AFF4: variants seen among roughly 807,000 people sequenced by gnomAD.
AFF4 encodes ALF transcription elongation factor 4.
Under a neutral mutation model 124.8 loss-of-function variants are expected in AFF4, and 13 were observed. That is an observed-to-expected ratio of 0.10 (90% CI 0.07 to 0.17). The LOEUF is 0.17. Among genes scored for constraint, AFF4 ranks in the 10% least tolerant of loss-of-function variants. AFF4 has a pLI of 1.00. For missense variants in AFF4, 1,092 were observed against 1,403.8 expected, an observed-to-expected ratio of 0.78 and a Z score of 3.55; for synonymous variants, 477 against 496.1, an observed-to-expected ratio of 0.96 and a Z score of 0.51.
intron 5 of AFF4, among the ~76,000 whole-genome samples, chr5:132,908,284 TATGA>T (rs1286819725): frequency 6.6e-6 from 1 of 152,192 alleles, no homozygotes; most frequent in East Asian, 1.9e-4. Flanking sequence ...TAAATATATT[TATGA>T]ATGACAACAA....
Position 132,892,362 on chromosome 5 carries a change from A to G in AFF4, c.2439T>C (p.Pro813=). The change falls in exon 13 of 21, where the codon CCT becomes CCC. Residue 813 remains proline (P), a synonymous_variant. Coordinates refer to ENST00000265343, the MANE Select transcript of AFF4 (RefSeq NM_014423.4). ...TTGAAGGAACAGGCCCAGCGGGAGA[A>G]GGCAACAAATCCTTTTCTTTTGCAG... The part of the protein sequence containing the change: ...QSAAKEKDLL[P]SPAGPVPSKD... 1.9e-6 allele frequency: 3 copies of G among 1,613,962 alleles called. No homozygotes were observed. The highest frequency in any genetic ancestry group is 2.5e-6 in the Non-Finnish European group (3 of 1,179,860).
chr5:132,903,451 C>T (rs1426992997), intron 6 of AFF4, among the ~76,000 whole-genome samples: 1 of 152,134 alleles, frequency 6.6e-6, no homozygotes, highest in Non-Finnish European at 1.5e-5. Context: ...AGTTACTGCT[C>T]TTGGCAAAAA....
chr5:132,931,899 G>T (rs559744724), intron 4 of AFF4, among the ~76,000 whole-genome samples: 1 of 151,874 alleles, frequency 6.6e-6, no homozygotes, highest in African/African-American at 2.4e-5. Flanking sequence ...AGCCAAGATC[G>T]CGCCACTGCA....
Position 132,876,298 on chromosome 5 carries a change from A to C in AFF4, c.*4761T>G. 1 of 228,788 alleles carries C rather than the reference A, an allele frequency of 4.4e-6. No individual in the cohort carries two copies. The highest frequency in any genetic ancestry group is 6.3e-5 in the East Asian group (1 of 15,908). The allele number at this position is 228,788 out of a possible 1,614,324, so 14.2% of individuals were successfully genotyped here. The stretch of plus-strand genomic sequence containing the variant: ...AAATGGGGACACTTCTGGAACACCA[A>C]CAACAAACTCAACAATATGGATGAT... On this transcript the variant is annotated 3_prime_UTR_variant, in exon 21 of 21. Coordinates refer to ENST00000265343, the MANE Select transcript of AFF4 (RefSeq NM_014423.4).
intron 5 of AFF4, among the ~76,000 whole-genome samples, chr5:132,912,512 C>G (rs78584633): frequency 0.021 from 3,191 of 152,000 alleles, 86 homozygotes; most frequent in African/African-American, 0.058. Flanking sequence ...AGGTACGTAT[C>G]ACCACACTCA....
At chr5:132,923,604 T>C (rs894109511) in intron 5 of AFF4, among the ~76,000 whole-genome samples, 1 of 151,966 alleles carries the variant, frequency 6.6e-6, no homozygotes, top group African/African-American at 2.4e-5. Flanking sequence ...GCACCTGTAG[T>C]GCGTGGTAGT....
At chr5:132,950,828 T>C (rs951422314) in intron 1 of AFF4, among the ~76,000 whole-genome samples, 1 of 152,206 alleles carries the variant, frequency 6.6e-6, no homozygotes, top group African/African-American at 2.4e-5. Context: ...TCTAGACCTT[T>C]AGCAGTTGCG....
Position 132,892,324 on chromosome 5 carries a change from G to A in AFF4, c.2477C>T (p.Thr826Ile). 6.2e-7 allele frequency: 1 copy of A among 1,614,134 alleles called. No individual in the cohort carries two copies. The highest frequency in any genetic ancestry group is 8.5e-7 in the Non-Finnish European group (1 of 1,180,022). Residue 826 changes from threonine to isoleucine, a missense_variant, in exon 13 of 21, where the codon ACA becomes ATA. Physicochemically the swap from Thr to Ile is moderately conservative, Grantham distance 89. Around this residue, in one of 11 missense-constraint regions of AFF4, gnomAD observed 293 missense variants for 280.2 expected, o/e 1.05. Coordinates refer to ENST00000265343, the MANE Select transcript of AFF4 (RefSeq NM_014423.4). Reference sequence around the variant, plus strand: ...AGTCCTCTTCCGAGAGCCATGCTCTGTTTTTGGATCTTTTGAAGGAACAGG... The same window carrying A: ...AGTCCTCTTCCGAGAGCCATGCTCTATTTTTGGATCTTTTGAAGGAACAGG... ...AGPVPSKDPK[T>I]EHGSRKRTIS...
At chr5:132,922,934 T>C (rs1381424196) in intron 5 of AFF4, among the ~76,000 whole-genome samples, 1 of 151,948 alleles carries the variant, frequency 6.6e-6, no homozygotes, top group Non-Finnish European at 1.5e-5. Flanking sequence ...CCCAGCACTT[T>C]GGGAGGCCGA....
chr5:132,886,489 A>C (rs1760122433), intron 17 of AFF4, 86 bp from the exon 18 acceptor site: 1 of 1,224,802 alleles, frequency 8.2e-7, no homozygotes, highest in Non-Finnish European at 1.2e-6. Context: ...TGTGCAGGAG[A>C]CTGGCTCATG....
intron 1 of AFF4, among the ~76,000 whole-genome samples, chr5:132,955,561 G>A (rs546518889): frequency 4.6e-5 from 7 of 152,028 alleles, no homozygotes; most frequent in South Asian, 2.1e-4. Flanking sequence ...GGCAGATCAC[G>A]AGGTCAGGAG....
In AFF4 at chr5:132,934,063, A is replaced by AGT. The variant is rs1487360427; in HGVS notation, c.918+82_918+83dup. The AGT allele has an allele frequency of 3.6e-6, 5 of 1,402,552 alleles. No individual in the cohort carries two copies. In the Admixed American group the frequency reaches 1.2e-4, roughly 33 times the overall value. The allele number at this position is 1,402,552 out of a possible 1,614,324, so 86.9% of individuals were successfully genotyped here. ...TTCCTTACTATTAAGGCAAGGAAGC[A>AGT]GTGTTCAAGTTCAATCGTAATTTCA... On this transcript the variant is annotated intron_variant, in intron 3 of 20. Transcript: ENST00000265343.
chr5:132,899,541 G>T, intron 8 of AFF4, 46 bp downstream of exon 8: 1 of 1,477,462 alleles, frequency 6.8e-7, no homozygotes. Context: ...AAAATACAAT[G>T]AAAATACTAT....
intron 5 of AFF4, among the ~76,000 whole-genome samples, chr5:132,912,509 T>G (rs896149075): frequency 1.3e-5 from 2 of 151,984 alleles, no homozygotes; most frequent in African/African-American, 4.8e-5. Context: ...CACAGGTACG[T>G]ATCACCACAC....
intron 1 of AFF4, among the ~76,000 whole-genome samples, chr5:132,938,821 T>C (rs1344349058): frequency 6.7e-6 from 1 of 150,254 alleles, no homozygotes; most frequent in East Asian, 2.0e-4. Context: ...CAGGCGCCTG[T>C]AGTCCCGGCT....
At chr5:132,898,661 T>C (rs1271686238) in intron 9 of AFF4, among the ~76,000 whole-genome samples, 3 of 151,834 alleles carry the variant, frequency 2.0e-5, no homozygotes, top group Admixed American at 1.3e-4. Flanking sequence ...TTTCTGTACT[T>C]TTAGTAGAGA....
At chr5:132,887,641 GATCTTA>G in intron 16 of AFF4, 49 bp from the exon 17 acceptor site, 1 of 1,558,920 alleles carries the variant, frequency 6.4e-7, no homozygotes, top group Non-Finnish European at 8.8e-7. Context: ...ACTTCACCTT[GATCTTA>G]TGATTTCACT....
rs1418494913 is a variant in AFF4 at position 132,934,046 on chromosome 5, T to G, written c.918+101A>C. On this transcript the variant is annotated intron_variant, in intron 3 of 20. Coordinates refer to ENST00000265343, the MANE Select transcript of AFF4 (RefSeq NM_014423.4). The stretch of plus-strand genomic sequence containing the variant: ...ATCTTTCAACTTTTACATTCCTTAC[T>G]ATTAAGGCAAGGAAGCAGTGTTCAA... 9 of 1,299,154 alleles carry G rather than the reference T, an allele frequency of 6.9e-6. No homozygotes were observed. In the East Asian group the frequency reaches 2.2e-4, roughly 31 times the overall value. The allele number at this position is 1,299,154 out of a possible 1,614,324, so 80.5% of individuals were successfully genotyped here. A position where few individuals can be genotyped will look rare whatever the true frequency, so the allele number is the denominator to read the frequency against.
chr5:132,900,320 G>A (rs1264910239), intron 7 of AFF4, among the ~76,000 whole-genome samples: 2 of 152,222 alleles, frequency 1.3e-5, no homozygotes, highest in Admixed American at 6.5e-5. Context: ...ACTTTGGGAG[G>A]CTGAGGTTGG....
Sources: allele counts gnomAD v4.1 joint callset (sites outside exome capture counted in the v4.1 genomes callset), GRCh38; gene constraint gnomAD v4.1.1; regional missense constraint gnomAD v4.1.1; transcripts MANE v1.5; gene names NCBI Gene and HGNC (gene_info 2026-07-23, HGNC 2026-07-21).